ZNF839: variants seen among roughly 807,000 people sequenced by gnomAD.
ZNF839 encodes renal carcinoma antigen NY-REN-50.
ZNF839 carries 38 observed loss-of-function variants against 56.4 expected under a neutral mutation model. The ratio of observed to expected loss-of-function variants is 0.67; its 90% CI spans 0.52 to 0.88. The LOEUF (loss-of-function observed/expected upper bound fraction) is 0.88. ZNF839 is among the 40% of genes least tolerant of loss of function. The probability of loss-of-function intolerance (pLI) is 0.00; values close to 1 mark genes in which losing one functional copy is unlikely to be tolerated. For synonymous variants in ZNF839, 486 were observed against 493.5 expected (o/e 0.98, Z 0.20); for missense variants, 1,091 against 1,177.6 (o/e 0.93, Z 1.08).
intron 1 of ZNF839, among the ~76,000 whole-genome samples, chr14:102,322,605 T>G (rs573792215): frequency 6.6e-6 from 1 of 152,304 alleles, no homozygotes; most frequent in African/African-American, 2.4e-5. Flanking sequence ...GACAGGGTCT[T>G]TCTTTCTCAC....
In ZNF839 at chr14:102,341,833, G is replaced by C; in HGVS notation, c.2438G>C (p.Cys813Ser). The C allele has an allele frequency of 6.2e-7, 1 of 1,614,040 alleles. No individual in the cohort carries two copies. The highest frequency in any genetic ancestry group is 8.5e-7 in the Non-Finnish European group (1 of 1,179,910). Residue 813 changes from cysteine (C) to serine (S), a missense_variant, in exon 8 of 8, where the codon TGT becomes TCT. Cys to Ser is a moderately radical substitution (Grantham distance 112, BLOSUM62 -1). Coordinates refer to ENST00000442396, the MANE Select transcript of ZNF839 (RefSeq NM_018335.6). ...TCTGTGGATAGCGTGGCAGTGGACT[G>C]TGCCTACAGGACTGTGCCCAAGCCA... The part of the protein sequence containing the change: ...ILSVDSVAVD[C>S]AYRTVPKPGP...
At chr14:102,338,770 T>G (rs1886144262) in intron 5 of ZNF839, 46 bp from the exon 6 acceptor site, 1 of 1,610,752 alleles carries the variant, frequency 6.2e-7, no homozygotes, top group East Asian at 2.2e-5. Context: ...TCTGGGGGTG[T>G]GTGCTGTTTG....
chr14:102,329,530 G>A (rs1450235339), intron 2 of ZNF839, among the ~76,000 whole-genome samples: 11 of 151,878 alleles, frequency 7.2e-5, no homozygotes, highest in African/African-American at 2.2e-4. Flanking sequence ...AATTACAGGC[G>A]TGTGCTACCA....
chr14:102,319,759 GGCCGCCATGGCGGAT>G lies in ZNF839; in HGVS notation c.-4_11del. Reference sequence around the variant, plus strand: ...CGACCCGGGTTCGAGTCCCCGCCTCGGCCGCCATGGCGGATGCGGAGCCGGAGGCTGGGGGCGGCA... The same window carrying G: ...CGACCCGGGTTCGAGTCCCCGCCTCGGCGGAGCCGGAGGCTGGGGGCGGCA... On this transcript the variant is annotated start_lost and 5_prime_UTR_variant, in exon 1 of 8. Transcript: ENST00000442396. The surrounding 1 kb of genome is among the most constrained non-coding windows in gnomAD (Gnocchi z 4.5). 1 of 1,229,544 alleles carries G rather than the reference GGCCGCCATGGCGGAT, an allele frequency of 8.1e-7. No individual in the cohort carries two copies. The highest frequency in any genetic ancestry group is 2.8e-4 in the Middle Eastern group (1 of 3,568). 76.2% of individuals were successfully genotyped at this position (1,229,544 alleles called of 1,614,324 possible). A position where few individuals can be genotyped will look rare whatever the true frequency, so the allele number is the denominator to read the frequency against.
rs947244682 is a variant in ZNF839 at position 102,326,331 on chromosome 14, C to T, written c.635C>T (p.Ser212Phe). Reference sequence around the variant, plus strand: ...TCCATGTTGACCCCTTTGTCTGCCTCTGACCCGCTGGCAGTAACATCTCTT... The same window carrying T: ...TCCATGTTGACCCCTTTGTCTGCCTTTGACCCGCTGGCAGTAACATCTCTT... The part of the protein sequence containing the change: ...QGSMLTPLSA[S>F]DPLAVTSLSS... Residue 212 changes from serine to phenylalanine, a missense_variant, in exon 2 of 8, where the codon TCT (serine) becomes TTT (phenylalanine). Transcript: ENST00000442396. This position sits in a 1 kb window ranked among gnomAD's most constrained non-coding sequence, Gnocchi z 4.3. 2 of 1,610,088 alleles carry T rather than the reference C, an allele frequency of 1.2e-6. No homozygotes were observed. The highest frequency in any genetic ancestry group is 1.3e-5 in the African/African-American group (1 of 74,890).
chr14:102,335,251 A>C (rs895310375), intron 4 of ZNF839: 1 of 157,824 alleles, frequency 6.3e-6, no homozygotes, highest in Non-Finnish European at 1.4e-5. Context: ...GCAGCCACAA[A>C]TAATGGCTAT....
chr14:102,329,727 A>G lies in ZNF839; in HGVS notation c.1192-1895A>G, dbSNP rs538467577. On this transcript the variant is annotated intron_variant, in intron 2 of 7. Coordinates refer to ENST00000442396, the MANE Select transcript of ZNF839 (RefSeq NM_018335.6). ...TATTTGTGTGTGTGTGTGTGTGTGT[A>G]TGTGTGTGTGTAATCTTTAGGCATT... Among the ~76,000 whole-genome samples the G allele has an allele frequency of 8.1e-3, 980 of 120,728 alleles. 8 individuals are homozygous for G. The highest frequency in any genetic ancestry group is 0.037 in the African/African-American group (915 of 24,604). The allele number at this position is 120,728 out of a possible 152,430, so 79.2% of individuals were successfully genotyped here. A position where few individuals can be genotyped will look rare whatever the true frequency, so the allele number is the denominator to read the frequency against.
rs977624300 is a variant in ZNF839 at position 102,326,711 on chromosome 14, G to A, written c.1015G>A (p.Gly339Ser). 9.3e-6 allele frequency: 15 copies of A among 1,612,734 alleles called. No individual in the cohort carries two copies. The highest frequency in any genetic ancestry group is 1.7e-5 in the Admixed American group (1 of 59,814). The change falls in exon 2 of 8, where the codon GGC (glycine) becomes AGC (serine). Residue 339 changes from glycine (G) to serine (S), a missense_variant. Around this residue, in one of 3 missense-constraint regions of ZNF839, gnomAD observed 614 missense variants for 629.2 expected, o/e 0.98. Transcript: ENST00000442396. This position sits in a 1 kb window ranked among gnomAD's most constrained non-coding sequence, Gnocchi z 4.3. Reference protein sequence around the residue: ...ARHFKLNPGHGQLDPEMVLSE... With the variant: ...ARHFKLNPGHSQLDPEMVLSE... Reference sequence around the variant, plus strand: ...ACATTTTAAACTTAACCCAGGCCACGGCCAGTTGGACCCCGAGATGGTGCT... The same window carrying A: ...ACATTTTAAACTTAACCCAGGCCACAGCCAGTTGGACCCCGAGATGGTGCT...
rs1203021444 is a variant in ZNF839 at position 102,326,066 on chromosome 14, C to T, written c.370C>T (p.Gln124Ter). 1 of 1,613,776 alleles carries T rather than the reference C, an allele frequency of 6.2e-7. No individual in the cohort carries two copies. The highest frequency in any genetic ancestry group is 8.5e-7 in the Non-Finnish European group (1 of 1,179,810). Residue 124 changes from glutamine to a stop codon, truncating the protein, a stop_gained, in exon 2 of 8, where the codon CAG becomes TAG. Coordinates refer to ENST00000442396, the MANE Select transcript of ZNF839 (RefSeq NM_018335.6). LOFTEE classifies it high-confidence loss of function. This position sits in a 1 kb window ranked among gnomAD's most constrained non-coding sequence, Gnocchi z 4.3. ...ERPMLLPTTIQPQTARKSQLP... is the reference protein window; with the variant it reads ...ERPMLLPTTI ...GCCAATGCTCCTACCGACCACAATC[C>T]AGCCCCAAACTGCAAGAAAGAGCCA...
intron 2 of ZNF839, among the ~76,000 whole-genome samples, chr14:102,327,115 A>G (rs1264311752): frequency 6.6e-6 from 1 of 151,914 alleles, no homozygotes; most frequent in African/African-American, 2.4e-5. Context: ...CCACAGCAGG[A>G]ACAAGGGGCA....
chr14:102,330,004 A>T (rs2073695022), intron 2 of ZNF839, among the ~76,000 whole-genome samples: 1 of 151,722 alleles, frequency 6.6e-6, no homozygotes, highest in African/African-American at 2.4e-5. Context: ...CATGTTGGCC[A>T]GGCTGGTCTT....
At position 102,319,933 on chromosome 14, in the gene ZNF839, GCCGCCC is replaced by G; in HGVS notation, c.171_176del (p.Pro58_Pro59del). The G allele has an allele frequency of 8.3e-7, 1 of 1,208,220 alleles. No homozygotes were observed. The highest frequency in any genetic ancestry group is 1.0e-6 in the Non-Finnish European group (1 of 968,304). 74.8% of individuals were successfully genotyped at this position (1,208,220 alleles called of 1,614,324 possible). ...TGACGAAGGCGCAGCCGCCGCCGCC[GCCGCCC>G]CCCTTCGTGCTGCGGGACGCGGCGC... On this transcript the variant is annotated inframe_deletion, in exon 1 of 8. Coordinates refer to ENST00000442396, the MANE Select transcript of ZNF839 (RefSeq NM_018335.6). The surrounding 1 kb of genome is among the most constrained non-coding windows in gnomAD (Gnocchi z 4.5).
intron 2 of ZNF839, among the ~76,000 whole-genome samples, chr14:102,328,368 AAAAAAAAATATATATATATAT>A (rs1567288410): frequency 7.8e-5 from 4 of 51,458 alleles, no homozygotes; most frequent in African/African-American, 2.5e-4. Flanking sequence ...AAAAAAAAAA[AAAAAAAAATATATATATATAT>A]ATATATATAT....
chr14:102,319,737 C>T (rs973392566), upstream of ZNF839: 66 of 1,227,776 alleles, frequency 5.4e-5, no homozygotes, highest in African/African-American at 1.0e-3. The surrounding 1 kb of genome is among the most constrained non-coding windows in gnomAD (Gnocchi z 4.5). Context: ...CGCTCAGCGA[C>T]CCGGGTTCGA....
chr14:102,329,420 T>C (rs1040936827), intron 2 of ZNF839, among the ~76,000 whole-genome samples: 1 of 151,316 alleles, frequency 6.6e-6, no homozygotes, highest in African/African-American at 2.4e-5. Flanking sequence ...AGTCTGACTC[T>C]GTTGCCCAGG....
chr14:102,320,020 G>T lies in ZNF839; in HGVS notation c.255G>T (p.Glu85Asp), dbSNP rs1204702964. The change falls in exon 1 of 8, where the codon GAG becomes GAT. Residue 85 changes from glutamate (E) to aspartate (D), a missense_variant. Physicochemically the swap from Glu to Asp is conservative, Grantham distance 45. Coordinates refer to ENST00000442396, the MANE Select transcript of ZNF839 (RefSeq NM_018335.6). ...QAALQRGRGTEPPRLPRLLPP... is the reference protein window; with the variant it reads ...QAALQRGRGTDPPRLPRLLPP... ...CCCTGCAGCGGGGCCGGGGCACCGAGCCCCCGCGCCTGCCGCGCCTGCTCC... is the reference window on the plus strand; with the variant it reads ...CCCTGCAGCGGGGCCGGGGCACCGATCCCCCGCGCCTGCCGCGCCTGCTCC... 1.7e-6 allele frequency: 2 copies of T among 1,180,018 alleles called. No individual in the cohort carries two copies. Among genetic ancestry groups the T allele is most frequent in the Non-Finnish European group, 2.1e-6 (2 of 955,198 alleles). 73.1% of individuals were successfully genotyped at this position (1,180,018 alleles called of 1,614,324 possible). A position where few individuals can be genotyped will look rare whatever the true frequency, so the allele number is the denominator to read the frequency against.
intron 1 of ZNF839, among the ~76,000 whole-genome samples, chr14:102,323,657 A>C (rs1283254924): frequency 6.6e-6 from 1 of 152,214 alleles, no homozygotes; most frequent in Admixed American, 6.5e-5. Flanking sequence ...AAATGGAATT[A>C]CTGGGTCAAA....
intron 5 of ZNF839, among the ~76,000 whole-genome samples, chr14:102,336,242 A>G (rs1490003602): frequency 6.6e-6 from 1 of 151,494 alleles, no homozygotes; most frequent in African/African-American, 2.4e-5. Flanking sequence ...TAGTAATGAC[A>G]TTTTCCTGTT....
chr14:102,335,539 A>G lies in ZNF839; in HGVS notation c.1510-150A>G, dbSNP rs145750966. The G allele has an allele frequency of 1.6e-3, 1,131 of 726,786 alleles. 8 individuals carry two copies. Among genetic ancestry groups the G allele is most frequent in the Non-Finnish European group, 2.0e-3 (894 of 453,456 alleles). The allele number at this position is 726,786 out of a possible 1,614,324, so 45.0% of individuals were successfully genotyped here. On this transcript the variant is annotated intron_variant, in intron 4 of 7. Transcript: ENST00000442396. ...CTTCTCTGCACCATGCGGGGCACAC[A>G]GTAGGTGCTCACTGGGGACTGAAGG... is the stretch of plus-strand genomic sequence containing the variant.
Sources: allele counts gnomAD v4.1 joint callset (sites outside exome capture counted in the v4.1 genomes callset), GRCh38; gene constraint gnomAD v4.1.1; regional missense constraint gnomAD v4.1.1; non-coding constraint Gnocchi (gnomAD v3.1); transcripts MANE v1.5; gene names NCBI Gene and HGNC (gene_info 2026-07-23, HGNC 2026-07-21).